TULP4: variants seen among roughly 807,000 people sequenced by gnomAD.
TULP4 encodes the protein tubby-related protein 4.
Under a neutral mutation model 129.0 loss-of-function variants are expected in TULP4, and 16 were observed. The observed-to-expected ratio is 0.12, with a 90% CI of 0.08 to 0.19. TULP4 has a LOEUF of 0.19. Ranked by LOEUF, TULP4 falls within the 10% of genes least tolerant of loss-of-function variation. The pLI is 1.00. For missense variants in TULP4, 1,842 were observed against 2,059.1 expected (o/e 0.89, Z 2.04); for synonymous variants, 998 against 854.0 (o/e 1.17, Z -2.94).
chr6:158,308,898 C>T (rs1182414163), upstream of TULP4, among the ~76,000 whole-genome samples: 1 of 138,486 alleles, frequency 7.2e-6, no homozygotes, highest in Non-Finnish European at 1.6e-5. Flanking sequence ...ACCCCCCCAC[C>T]TCCCTCCCGG....
intron 1 of TULP4, among the ~76,000 whole-genome samples, chr6:158,341,137 T>C (rs887406852): frequency 3.3e-5 from 5 of 152,160 alleles, no homozygotes; most frequent in Admixed American, 3.3e-4. Context: ...AGAATCTCCA[T>C]GAGGTCAATT....
At chr6:158,485,148 GA>G (rs1431488745) in intron 8 of TULP4, among the ~76,000 whole-genome samples, 1 of 152,220 alleles carries the variant, frequency 6.6e-6, no homozygotes, top group African/African-American at 2.4e-5. Context: ...CTGTTTCATG[GA>G]AGGTAGAACT....
intron 1 of TULP4, among the ~76,000 whole-genome samples, chr6:158,354,670 A>T (rs1330101015): frequency 6.6e-6 from 1 of 152,114 alleles, no homozygotes; most frequent in Non-Finnish European, 1.5e-5. Flanking sequence ...AGGCGGGAGG[A>T]TCACTTAAGG....
intron 3 of TULP4, among the ~76,000 whole-genome samples, chr6:158,432,600 C>T (rs1410916364): frequency 6.6e-6 from 1 of 152,198 alleles, no homozygotes. Flanking sequence ...CGGTGGCTCA[C>T]GCCTGTAATC....
intron 1 of TULP4, chr6:158,397,854 C>G (rs1777754573): frequency 1.3e-5 from 2 of 152,250 alleles, no homozygotes; most frequent in Non-Finnish European, 2.9e-5. Context: ...TGGTGTCATC[C>G]TTTAGCCTCA....
intron 1 of TULP4, among the ~76,000 whole-genome samples, chr6:158,258,469 A>T (rs1778289590): frequency 6.6e-6 from 1 of 152,158 alleles, no homozygotes; most frequent in East Asian, 1.9e-4. Context: ...GGAAGAGCTG[A>T]TGAGTTGGTG....
intron 1 of TULP4, among the ~76,000 whole-genome samples, chr6:158,323,996 A>T (rs949877940): frequency 6.6e-6 from 1 of 152,192 alleles, no homozygotes; most frequent in African/African-American, 2.4e-5. Context: ...CCTTGAAGTT[A>T]AGTGAGGACT....
chr6:158,308,945 A>C (rs1383980849), upstream of TULP4, among the ~76,000 whole-genome samples: 36 of 97,110 alleles, frequency 3.7e-4, no homozygotes, highest in South Asian at 1.1e-3. Context: ...TGACCCACCC[A>C]CCTCCCTCCC....
At position 158,506,934 on chromosome 6, in the gene TULP4, CAA is replaced by C. The variant is rs1780618817; in HGVS notation, c.*242_*243del. 5 of 511,002 alleles carry C rather than the reference CAA, an allele frequency of 9.8e-6. No homozygotes were observed. The highest frequency in any genetic ancestry group is 3.4e-5 in the Admixed American group (1 of 29,654). The allele number at this position is 511,002 out of a possible 1,614,324, so 31.7% of individuals were successfully genotyped here. ...CTTTCATTTCAGTGGCATTTGGAAG[CAA>C]AGAGTGCTAGGCACCTGCTGTTCTT... On this transcript the variant is annotated 3_prime_UTR_variant, in exon 14 of 14. Transcript: ENST00000367097.
intron 1 of TULP4, among the ~76,000 whole-genome samples, chr6:158,248,766 G>A (rs181066661): frequency 7.4e-5 from 11 of 148,634 alleles, no homozygotes; most frequent in African/African-American, 2.0e-4. Context: ...AAGTAAGTAA[G>A]TAAATAAATA....
chr6:158,354,277 T>C (rs1365391634), intron 1 of TULP4, among the ~76,000 whole-genome samples: 1 of 152,196 alleles, frequency 6.6e-6, no homozygotes, highest in Non-Finnish European at 1.5e-5. Context: ...GAAGCTAATA[T>C]ATGAATAGCC....
intron 2 of TULP4, among the ~76,000 whole-genome samples, chr6:158,423,187 C>T (rs1347758948): frequency 1.3e-5 from 2 of 151,306 alleles, no homozygotes; most frequent in Non-Finnish European, 2.9e-5. Flanking sequence ...ACAATAATAA[C>T]TCCTGCAACG....
chr6:158,279,773 T>C (rs1020412022), upstream of TULP4, among the ~76,000 whole-genome samples: 1 of 152,128 alleles, frequency 6.6e-6, no homozygotes, highest in East Asian at 1.9e-4. Flanking sequence ...TAGTGAGATA[T>C]ACAGCAGACC....
intron 4 of TULP4, among the ~76,000 whole-genome samples, chr6:158,450,054 A>G (rs1341285287): frequency 1.3e-5 from 2 of 152,202 alleles, no homozygotes; most frequent in East Asian, 1.9e-4. Flanking sequence ...ATTTGAAACT[A>G]TATAATATGA....
At chr6:158,487,254 A>G (rs1027777075) in intron 8 of TULP4, among the ~76,000 whole-genome samples, 4 of 152,082 alleles carry the variant, frequency 2.6e-5, no homozygotes, top group Admixed American at 2.6e-4. Flanking sequence ...GCAAGACTCC[A>G]TCTCAAAAAA....
In TULP4 at chr6:158,246,023, G is replaced by GGGTGTGTGTGTGTGTGT. The variant is rs113914160; in HGVS notation, n.68+13721_68+13722insGTGTGTGTGTGTGTGTG. ...GTGAGTAATTTGCCTACCCCTTAGG[G>GGGTGTGTGTGTGTGTGT]GTGTGTGTGTGTGTGTGTGTGTGTG... On this transcript the variant is annotated intron_variant and non_coding_transcript_variant, in intron 1 of 1. Coordinates refer to the TULP4 transcript ENST00000620026. 2.1e-5 allele frequency among the ~76,000 whole-genome samples: 3 copies of GGGTGTGTGTGTGTGTGT among 145,822 alleles called. No homozygotes were observed. In the South Asian group the frequency reaches 6.7e-4, roughly 33 times the overall value.
intron 1 of TULP4, among the ~76,000 whole-genome samples, chr6:158,385,256 C>G (rs2114927193): frequency 6.6e-6 from 1 of 152,316 alleles, no homozygotes; most frequent in African/African-American, 2.4e-5. Context: ...CAGTTTATTA[C>G]AAGTAAAACA....
At chr6:158,470,673 C>T (rs1228022402) in intron 6 of TULP4, among the ~76,000 whole-genome samples, 2 of 152,194 alleles carry the variant, frequency 1.3e-5, no homozygotes, top group East Asian at 3.9e-4. Flanking sequence ...AACAAGAGAA[C>T]AACAGTTGAA....
At chr6:158,242,112 A>G in intron 1 of TULP4, 1 of 851,088 alleles carries the variant, frequency 1.2e-6, no homozygotes, top group South Asian at 1.3e-5. Context: ...TTTGACCCTG[A>G]AGCTGCAGAA....
Sources: gnomAD v4.1 joint callset for allele counts (sites outside exome capture counted in the v4.1 genomes callset) on GRCh38, gnomAD v4.1.1 for gene constraint, MANE v1.5 for transcripts, NCBI Gene and HGNC (gene_info 2026-07-23, HGNC 2026-07-21) for gene names.